The following CACNA1B variants were observed in gnomAD, a reference collection of about 807,000 sequenced individuals.
CACNA1B encodes voltage-dependent N-type calcium channel subunit alpha-1B.
Under a neutral mutation model 247.2 loss-of-function variants are expected in CACNA1B, and 70 were observed. That is an observed-to-expected ratio of 0.28 (90% CI 0.23 to 0.35). The LOEUF is 0.35. CACNA1B is among the 10% of genes least tolerant of loss of function. The pLI, the probability that CACNA1B is intolerant of heterozygous loss-of-function variation, is 1.00. For missense variants in CACNA1B, 2,367 were observed against 3,197.4 expected (o/e 0.74, Z 6.26); for synonymous variants, 1,231 against 1,294.4 (o/e 0.95, Z 1.05).
intron 36 of CACNA1B, among the ~76,000 whole-genome samples, chr9:138,095,683 C>A (rs1171600818): frequency 6.6e-6 from 1 of 152,094 alleles, no homozygotes; most frequent in African/African-American, 2.4e-5. Context: ...TTTATGGCAA[C>A]ATGAATCATA....
intron 6 of CACNA1B, among the ~76,000 whole-genome samples, chr9:137,944,970 C>CA (rs552308177): frequency 4.7e-4 from 72 of 152,262 alleles, no homozygotes; most frequent in South Asian, 8.3e-4. Flanking sequence ...TGCCTTAAGA[C>CA]CTTCCTTTTC....
intron 15 of CACNA1B, among the ~76,000 whole-genome samples, chr9:137,988,376 G>A (rs1389352105): frequency 6.6e-6 from 1 of 152,178 alleles, no homozygotes; most frequent in African/African-American, 2.4e-5. Context: ...TGTAGAAGCT[G>A]TTGCAGGGAG....
rs1342608893 is a variant in CACNA1B, at chr9:137,984,269, C to T, written c.1769+19C>T. 6.6e-7 allele frequency: 1 copy of T among 1,520,752 alleles called. No homozygotes were observed. The highest frequency in any genetic ancestry group is 9.0e-7 in the Non-Finnish European group (1 of 1,116,926). 94.2% of individuals were successfully genotyped at this position (1,520,752 alleles called of 1,614,324 possible). A position where few individuals can be genotyped will look rare whatever the true frequency, so the allele number is the denominator to read the frequency against. ...TCACGAAGTACGTCCCCTGCGCTCC[C>T]AGGCGAGGGCAGGTGTAGGGTGGAG... On this transcript the variant is annotated intron_variant, in intron 13 of 46. Coordinates refer to ENST00000371372, the MANE Select transcript of CACNA1B (RefSeq NM_000718.4).
Position 138,114,396 on chromosome 9 carries a change from G to A in CACNA1B, c.5555G>A (p.Gly1852Glu), listed in dbSNP as rs769794350. 55 of 1,576,758 alleles carry A rather than the reference G, an allele frequency of 3.5e-5. No homozygotes were observed. In the Admixed American group the frequency reaches 9.7e-4, roughly 28 times the overall value. Residue 1852 changes from glycine to glutamate, a missense_variant, in exon 41 of 47, where the codon GGG (glycine) becomes GAG (glutamate). By Grantham distance (98) the Gly-to-Glu change is moderately conservative. Coordinates refer to ENST00000371372, the MANE Select transcript of CACNA1B (RefSeq NM_000718.4). Reference sequence around the variant, plus strand: ...TTTCCAGCTGATGAGATGACAGTGGGGAAGGTTTATGCAGCTCTGATGATA... The same window carrying A: ...TTTCCAGCTGATGAGATGACAGTGGAGAAGGTTTATGCAGCTCTGATGATA... ...PPHKPDEMTV[G>E]KVYAALMIFD...
intron 23 of CACNA1B, among the ~76,000 whole-genome samples, chr9:138,048,662 C>A (rs1959204685): frequency 6.6e-6 from 1 of 152,184 alleles, no homozygotes; most frequent in Non-Finnish European, 1.5e-5. Flanking sequence ...GAGCTATATT[C>A]CTCCCCCATG....
Position 138,058,392 on chromosome 9 carries a change from T to C in CACNA1B, c.4308+142T>C. ...CACAGGGGCAGGTCCTCCTTTCTCCTGCAGAGGGACCGGATTTGGCTGGTT... is the reference window on the plus strand; with the variant it reads ...CACAGGGGCAGGTCCTCCTTTCTCCCGCAGAGGGACCGGATTTGGCTGGTT... On this transcript the variant is annotated intron_variant, in intron 28 of 46. Transcript: ENST00000371372. This position sits in a 1 kb window ranked among gnomAD's most constrained non-coding sequence, Gnocchi z 4.7. 2.1e-6 allele frequency: 2 copies of C among 950,968 alleles called. No homozygotes were observed. Among genetic ancestry groups the C allele is most frequent in the Non-Finnish European group, 3.3e-6 (2 of 612,752 alleles). The allele number at this position is 950,968 out of a possible 1,614,324, so 58.9% of individuals were successfully genotyped here. A position where few individuals can be genotyped will look rare whatever the true frequency, so the allele number is the denominator to read the frequency against.
chr9:138,102,619 C>T lies in CACNA1B; in HGVS notation c.5223-92C>T, dbSNP rs141268739. ...TTTTCTTGTCTGCTTCCTCCCTGCCCCTACCCCGCTCCCCTCCCCGCTCCC... is the reference window on the plus strand; with the variant it reads ...TTTTCTTGTCTGCTTCCTCCCTGCCTCTACCCCGCTCCCCTCCCCGCTCCC... On this transcript the variant is annotated intron_variant, in intron 37 of 46. Transcript: ENST00000371372. This position sits in a 1 kb window ranked among gnomAD's most constrained non-coding sequence, Gnocchi z 5.4. 1.3e-3 allele frequency: 744 copies of T among 587,470 alleles called. 5 individuals carry two copies. The African/African-American group carries it at 0.013, about 10-fold the overall frequency. The allele number at this position is 587,470 out of a possible 1,614,324, so 36.4% of individuals were successfully genotyped here.
intron 20 of CACNA1B, among the ~76,000 whole-genome samples, chr9:138,035,586 C>T (rs1169392695): frequency 1.3e-5 from 2 of 149,110 alleles, no homozygotes; most frequent in African/African-American, 2.5e-5. Flanking sequence ...AGCCTTCCCT[C>T]CCTCCCTCCT....
chr9:138,108,595 T>A (rs1005664737), intron 39 of CACNA1B, among the ~76,000 whole-genome samples: 1 of 152,220 alleles, frequency 6.6e-6, no homozygotes, highest in East Asian at 1.9e-4. Flanking sequence ...TACAGACGAA[T>A]ATCCCTTATA....
At chr9:137,894,492 G>C (rs904905523) in intron 3 of CACNA1B, among the ~76,000 whole-genome samples, 1 of 151,718 alleles carries the variant, frequency 6.6e-6, no homozygotes, top group Admixed American at 6.6e-5. Context: ...TCAGGTCACT[G>C]CAAGCCCCTG....
chr9:138,056,487 G>A (rs1202683121), intron 26 of CACNA1B, among the ~76,000 whole-genome samples: 1 of 152,156 alleles, frequency 6.6e-6, no homozygotes. Flanking sequence ...GATGAACATT[G>A]GGTTGTTTCT....
rs143390764 is a variant in CACNA1B, at chr9:138,063,122, C to T, written c.4668+3385C>T. Among the ~76,000 whole-genome samples the T allele has an allele frequency of 3.5e-3, 535 of 152,286 alleles. 4 individuals carry two copies. The highest frequency in any genetic ancestry group is 0.024 in the Middle Eastern group (7 of 294). The stretch of plus-strand genomic sequence containing the variant: ...AACATAACATCATCAGTGTGGTGGA[C>T]CAGTGTGGTGTTCTGAAGAATGTCT... On this transcript the variant is annotated intron_variant, in intron 31 of 46. Transcript: ENST00000371372.
At chr9:137,995,035 A>G (rs1469790075) in intron 15 of CACNA1B, among the ~76,000 whole-genome samples, 1 of 151,632 alleles carries the variant, frequency 6.6e-6, no homozygotes, top group Non-Finnish European at 1.5e-5. Context: ...TGAAACCCCA[A>G]CCCTACTTAA....
chr9:138,076,798 T>G (rs573232576), intron 35 of CACNA1B, among the ~76,000 whole-genome samples: 4 of 152,240 alleles, frequency 2.6e-5, no homozygotes, highest in Non-Finnish European at 5.9e-5. Flanking sequence ...TGCACTGGGC[T>G]GCTGTACAGC....
rs550044393 is a variant in CACNA1B at position 138,007,041 on chromosome 9, C to T, written c.2092+157C>T. 2.5e-4 allele frequency among the ~76,000 whole-genome samples: 38 copies of T among 150,330 alleles called. No individual in the cohort carries two copies. Among genetic ancestry groups the T allele is most frequent in the Non-Finnish European group, 3.8e-4 (26 of 67,812 alleles). On this transcript the variant is annotated intron_variant, in intron 16 of 46. Transcript: ENST00000371372. The surrounding 1 kb of genome is among the most constrained non-coding windows in gnomAD (Gnocchi z 4.1). Reference sequence around the variant, plus strand: ...AGATGGAGAACATTCTGCAGGTGGCCGGAGCGCAGGGCTCTGGAGGCTTTG... The same window carrying T: ...AGATGGAGAACATTCTGCAGGTGGCTGGAGCGCAGGGCTCTGGAGGCTTTG...
In CACNA1B at chr9:138,052,306, CT is replaced by C. The variant is rs1396139075; in HGVS notation, c.3807+119del. The C allele has an allele frequency of 1.6e-6, 1 of 631,638 alleles. No individual in the cohort carries two copies. Among genetic ancestry groups the C allele is most frequent in the African/African-American group, 1.8e-5 (1 of 54,302 alleles). 39.1% of individuals were successfully genotyped at this position (631,638 alleles called of 1,614,324 possible). ...GTGTGTGTGTGTTCACATCACACCC[CT>C]GTGTGAGGGGGTTGGGCTCACTCAG... On this transcript the variant is annotated intron_variant, in intron 25 of 46. Transcript: ENST00000371372. The surrounding 1 kb of genome is among the most constrained non-coding windows in gnomAD (Gnocchi z 5.1).
chr9:137,956,583 G>C (rs1333964052), intron 8 of CACNA1B, among the ~76,000 whole-genome samples, 188 bp from the exon 9 acceptor site: 3 of 151,976 alleles, frequency 2.0e-5, no homozygotes, highest in Non-Finnish European at 4.4e-5. Flanking sequence ...GAACCCGGAA[G>C]GTGGAGGTTG....
At chr9:138,085,825 TAA>T (rs1381932168) in intron 36 of CACNA1B, among the ~76,000 whole-genome samples, 1 of 151,116 alleles carries the variant, frequency 6.6e-6, no homozygotes, top group Admixed American at 6.6e-5. Context: ...GAGGGAGAAA[TAA>T]AGTCTTTCCC....
At chr9:138,060,541 G>T (rs1959685230) in intron 31 of CACNA1B, among the ~76,000 whole-genome samples, 1 of 152,172 alleles carries the variant, frequency 6.6e-6, no homozygotes, top group South Asian at 2.1e-4. Context: ...AGCTATCCCT[G>T]CTGGAAAGGG....
Sources: gnomAD v4.1 joint callset for allele counts (sites outside exome capture counted in the v4.1 genomes callset) on GRCh38, gnomAD v4.1.1 for gene constraint, Gnocchi (gnomAD v3.1) non-coding constraint, MANE v1.5 for transcripts, NCBI Gene and HGNC (gene_info 2026-07-23, HGNC 2026-07-21) for gene names.